PPHLN1: variants seen among roughly 807,000 people sequenced by gnomAD.
PPHLN1 encodes periphilin-1.
Under a neutral mutation model 51.3 loss-of-function variants are expected in PPHLN1, and 29 were observed. The ratio of observed to expected loss-of-function variants is 0.57; its 90% CI spans 0.42 to 0.77. The LOEUF (loss-of-function observed/expected upper bound fraction) is 0.77, where lower values mean the gene tolerates loss of function less well. Ranked by LOEUF, PPHLN1 falls within the 30% of genes least tolerant of loss-of-function variation. The pLI, the probability that PPHLN1 is intolerant of heterozygous loss-of-function variation, is 0.00. For missense variants in PPHLN1, 436 were observed against 438.4 expected (o/e 0.99, Z 0.05); for synonymous variants, 147 against 147.8 (o/e 0.99, Z 0.04).
rs780948156 is a variant in PPHLN1, at chr12:42,441,398, G to A, written c.993G>A (p.Gln331=). 1.1e-5 allele frequency: 18 copies of A among 1,614,062 alleles called. No individual in the cohort carries two copies. In the South Asian group the frequency reaches 1.8e-4, roughly 16 times the overall value. The part of the protein sequence containing the change: ...EKDPSLEKSI[Q]FALRQNLHEI... ...ATCCTTCATTAGAAAAGTCTATACA[G>A]TTTGCATTGAGGCAGAATTTACATG... Residue 331 remains glutamine, a synonymous_variant, in exon 10 of 10, where the codon CAG becomes CAA. Transcript: ENST00000358314.
chr12:42,432,560 A>G (rs908243299), intron 9 of PPHLN1, among the ~76,000 whole-genome samples: 2 of 152,198 alleles, frequency 1.3e-5, no homozygotes, highest in African/African-American at 2.4e-5. Flanking sequence ...TTTTCCAGTG[A>G]GATTCTTAGA....
At chr12:42,425,718 A>T (rs1367177836) in intron 9 of PPHLN1, among the ~76,000 whole-genome samples, 1 of 152,234 alleles carries the variant, frequency 6.6e-6, no homozygotes, top group East Asian at 1.9e-4. Context: ...TTTTATTTTT[A>T]AAAAGTTAAT....
chr12:42,436,897 G>A (rs1487596534), intron 9 of PPHLN1, among the ~76,000 whole-genome samples: 1 of 152,150 alleles, frequency 6.6e-6, no homozygotes, highest in Non-Finnish European at 1.5e-5. Context: ...AATATTTTTG[G>A]ACTGCAGTTT....
At chr12:42,341,144 G>T (rs1190789808) in intron 2 of PPHLN1, among the ~76,000 whole-genome samples, 1 of 151,870 alleles carries the variant, frequency 6.6e-6, no homozygotes, top group African/African-American at 2.4e-5. Flanking sequence ...ACCACGCTTG[G>T]CTATTTTTTG....
rs71084648 is a variant in PPHLN1, at chr12:42,413,526, A to ATGTGTGTGTG, written c.909+14568_909+14577dup. ...TGTTTTGATAACTATATATATGTAT[A>ATGTGTGTGTG]TGTGTGTGTGTGTGTGTGTGTGTGT... On this transcript the variant is annotated intron_variant, in intron 9 of 9. Coordinates refer to ENST00000358314, the MANE Select transcript of PPHLN1 (RefSeq NM_201439.2). 1.4e-3 allele frequency among the ~76,000 whole-genome samples: 198 copies of ATGTGTGTGTG among 136,606 alleles called. 1 individual carries two copies. Among genetic ancestry groups the ATGTGTGTGTG allele is most frequent in the East Asian group, 8.9e-3 (42 of 4,740 alleles). 89.6% of individuals were successfully genotyped at this position (136,606 alleles called of 152,430 possible). A position where few individuals can be genotyped will look rare whatever the true frequency, so the allele number is the denominator to read the frequency against.
chr12:42,350,981 GGAGACCATGGCAAGCGGGAGAGGGA>G (rs1350134617), intron 2 of PPHLN1, among the ~76,000 whole-genome samples: 2 of 151,860 alleles, frequency 1.3e-5, no homozygotes, highest in African/African-American at 2.4e-5. Context: ...AGGGAGAGGG[GGAGACCATGGCAAGCGGGAGAGGGA>G]GAGGGGGAGG....
At chr12:42,374,606 AAT>A in intron 4 of PPHLN1, 2 of 234,430 alleles carry the variant, frequency 8.5e-6, no homozygotes, top group South Asian at 4.1e-5. Flanking sequence ...ACGCCCAGCT[AAT>A]TTTTTTTTTT....
intron 4 of PPHLN1, among the ~76,000 whole-genome samples, chr12:42,364,094 C>T (rs1431472340): frequency 2.6e-5 from 4 of 151,984 alleles, no homozygotes; most frequent in African/African-American, 9.7e-5. Flanking sequence ...CATGGTGGCA[C>T]GTGCCTGTAG....
chr12:42,358,521 G>A (rs1292538417), intron 4 of PPHLN1, among the ~76,000 whole-genome samples: 3 of 152,136 alleles, frequency 2.0e-5, no homozygotes, highest in Non-Finnish European at 2.9e-5. Context: ...CTGCTGAGTA[G>A]CTGGGACCAC....
At chr12:42,420,432 T>C (rs1233749022) in intron 9 of PPHLN1, among the ~76,000 whole-genome samples, 1 of 152,044 alleles carries the variant, frequency 6.6e-6, no homozygotes, top group Non-Finnish European at 1.5e-5. Flanking sequence ...CTGGCAGAAA[T>C]TGTATGACTG....
At chr12:42,387,285 CT>C (rs1247729235) in intron 6 of PPHLN1, 170 bp from the exon 7 acceptor site, 4 of 624,680 alleles carry the variant, frequency 6.4e-6, no homozygotes, top group African/African-American at 5.7e-5. Flanking sequence ...GTTGATGGTG[CT>C]TAGCCTCTGA....
chr12:42,328,746 G>A (rs2069187311), intron 1 of PPHLN1, among the ~76,000 whole-genome samples: 1 of 152,200 alleles, frequency 6.6e-6, no homozygotes, highest in East Asian at 1.9e-4. Context: ...GTCTTGCTCT[G>A]TTGCCCAGGC....
chr12:42,335,929 T>C lies in PPHLN1; in HGVS notation c.27T>C (p.Tyr9=). MWSEGRYE[Y]ERIPRERAPP... ...TGTGGTCTGAGGGACGATATGAATA[T>C]GAAAGAATTCCGAGAGAACGAGCAC... Residue 9 remains tyrosine, a synonymous_variant, in exon 2 of 10, where the codon TAT becomes TAC. Coordinates refer to ENST00000358314, the MANE Select transcript of PPHLN1 (RefSeq NM_201439.2). The C allele has an allele frequency of 6.3e-7, 1 of 1,588,150 alleles. No homozygotes were observed. The highest frequency in any genetic ancestry group is 8.6e-7 in the Non-Finnish European group (1 of 1,165,824).
chr12:42,416,402 AT>A (rs1398657980), intron 9 of PPHLN1, among the ~76,000 whole-genome samples: 2 of 152,208 alleles, frequency 1.3e-5, no homozygotes, highest in African/African-American at 4.8e-5. Flanking sequence ...CAATTCTGGC[AT>A]TAACCACCTG....
At chr12:42,395,346 A>G (rs2078105694) in intron 8 of PPHLN1, among the ~76,000 whole-genome samples, 1 of 152,136 alleles carries the variant, frequency 6.6e-6, no homozygotes, top group South Asian at 2.1e-4. Context: ...TCTGTATGTC[A>G]TTAATGTTGA....
At chr12:42,441,005 T>C (rs1284887016) in intron 9 of PPHLN1, among the ~76,000 whole-genome samples, 1 of 152,282 alleles carries the variant, frequency 6.6e-6, no homozygotes, top group Non-Finnish European at 1.5e-5. Flanking sequence ...CCTTTGTTCT[T>C]ATTCTCATCT....
intron 9 of PPHLN1, among the ~76,000 whole-genome samples, chr12:42,421,341 T>G (rs916265134): frequency 3.9e-5 from 6 of 151,938 alleles, no homozygotes; most frequent in Non-Finnish European, 4.4e-5. Flanking sequence ...ATCTTTATTT[T>G]ATTGATTGAT....
At chr12:42,421,725 T>C (rs2081025473) in intron 9 of PPHLN1, among the ~76,000 whole-genome samples, 1 of 152,116 alleles carries the variant, frequency 6.6e-6, no homozygotes, top group Non-Finnish European at 1.5e-5. Context: ...TGAGAGAAGG[T>C]AAAATGCTTT....
chr12:42,373,018 C>T (rs17091121), intron 4 of PPHLN1, among the ~76,000 whole-genome samples: 3,519 of 152,288 alleles, frequency 0.023, 141 homozygotes, highest in African/African-American at 0.081. Flanking sequence ...CCTGTCCCAT[C>T]TAAGATACCA....
Sources: allele counts gnomAD v4.1 joint callset (sites outside exome capture counted in the v4.1 genomes callset), GRCh38; gene constraint gnomAD v4.1.1; transcripts MANE v1.5; gene names NCBI Gene and HGNC (gene_info 2026-07-23, HGNC 2026-07-21).